The following RAD51AP2 variants were observed in gnomAD, a reference collection of about 807,000 sequenced individuals.
RAD51AP2 encodes the protein RAD51-associated protein 2.
In RAD51AP2, 67 loss-of-function variants were observed where a neutral mutation model predicts 85.5. The ratio of observed to expected loss-of-function variants is 0.78; its 90% CI spans 0.64 to 0.96. The LOEUF (loss-of-function observed/expected upper bound fraction) is 0.96, where lower values mean the gene tolerates loss of function less well. Among genes scored for constraint, RAD51AP2 ranks in the 40% least tolerant of loss-of-function variants. RAD51AP2 has a pLI of 0.00. For synonymous variants in RAD51AP2, 474 were observed against 446.5 expected (o/e 1.06, Z -0.78); for missense variants, 1,307 against 1,332.4 (o/e 0.98, Z 0.30).
chr2:17,515,282 T>C lies in RAD51AP2; in HGVS notation c.3134A>G (p.Gln1045Arg), dbSNP rs757780920. The C allele has an allele frequency of 3.1e-6, 5 of 1,613,806 alleles. No individual in the cohort carries two copies. The highest frequency in any genetic ancestry group is 1.3e-5 in the African/African-American group (1 of 75,056). Residue 1045 changes from glutamine to arginine, a missense_variant, in exon 1 of 3, where the codon CAA (glutamine) becomes CGA (arginine). Transcript: ENST00000399080. ...TACAGTTTTCCATTTAAATAAACTTTGGTGACTTTTGCCCATATTAGGACC... is the reference window on the plus strand; with the variant it reads ...TACAGTTTTCCATTTAAATAAACTTCGGTGACTTTTGCCCATATTAGGACC... ...IAGPNMGKSH[Q>R]SLFKWKTVPN...
In RAD51AP2 at chr2:17,516,540, T is replaced by A. The variant is rs1184599401; in HGVS notation, c.1876A>T (p.Thr626Ser). ...KYPKNIVENH[T>S]AYLVKILTSS... ...GTTAAAATCTTTACTAGATATGCAG[T>A]ATGATTTTCCACTATATTTTTTGGA... The change falls in exon 1 of 3, where the codon ACT (threonine) becomes TCT (serine). Residue 626 changes from threonine to serine, a missense_variant. Physicochemically the swap from Thr to Ser is moderately conservative, Grantham distance 58. Around this residue, in one of 3 missense-constraint regions of RAD51AP2, gnomAD observed 668 missense variants for 671.0 expected, o/e 1.00. Transcript: ENST00000399080. The A allele has an allele frequency of 6.4e-7, 1 of 1,562,942 alleles. No homozygotes were observed. The highest frequency in any genetic ancestry group is 8.7e-7 in the Non-Finnish European group (1 of 1,142,884).
At chr2:17,512,656 C>T (rs1215293898) in intron 2 of RAD51AP2, among the ~76,000 whole-genome samples, 1 of 152,104 alleles carries the variant, frequency 6.6e-6, no homozygotes, top group South Asian at 2.1e-4. Flanking sequence ...CCTAATCTTC[C>T]TTTATTCTAT....
chr2:17,516,080 C>T lies in RAD51AP2; in HGVS notation c.2336G>A (p.Cys779Tyr), dbSNP rs367984476. 2 of 1,613,022 alleles carry T rather than the reference C, an allele frequency of 1.2e-6. No homozygotes were observed. The highest frequency in any genetic ancestry group is 8.5e-7 in the Non-Finnish European group (1 of 1,179,612). ...GCAGAGATCTTCAAATATGTGCTCA[C>T]AGTCAAAGTTACTGATCTTATTATG... is the stretch of plus-strand genomic sequence containing the variant. ...QGHNKISNFD[C>Y]EHIFEDLCNV... The change falls in exon 1 of 3, where the codon TGT becomes TAT. Residue 779 changes from cysteine (C) to tyrosine (Y), a missense_variant. Physicochemically the swap from Cys to Tyr is radical, Grantham distance 194 (BLOSUM62 -2). Around this residue, in one of 3 missense-constraint regions of RAD51AP2, gnomAD observed 668 missense variants for 671.0 expected, o/e 1.00. Coordinates refer to ENST00000399080, the MANE Select transcript of RAD51AP2 (RefSeq NM_001099218.3).
At chr2:17,534,675 A>G in the RAD51AP2 span, among the ~76,000 whole-genome samples, 1 of 152,180 alleles carries the variant, frequency 6.6e-6, no homozygotes, top group Non-Finnish European at 1.5e-5. Context: ...GAATAGTAAA[A>G]TCATTTAAAA....
chr2:17,516,017 A>G lies in RAD51AP2; in HGVS notation c.2399T>C (p.Ile800Thr). 1 of 1,613,840 alleles carries G rather than the reference A, an allele frequency of 6.2e-7. No individual in the cohort carries two copies. Among genetic ancestry groups the G allele is most frequent in the African/African-American group, 1.3e-5 (1 of 75,030 alleles). Residue 800 changes from isoleucine (I) to threonine (T), a missense_variant, in exon 1 of 3, where the codon ATA becomes ACA. Ile to Thr is a moderately conservative substitution (Grantham distance 89). Transcript: ENST00000399080. ...GGTATGGGTCTCTTCATTATGTATT[A>G]TGTTGTGGCTTGCTGGTATGGCCTG... ...RQQAIPASHN[I>T]IHNEETHTTS... is the part of the protein sequence containing the mutation.
At position 17,516,282 on chromosome 2, in the gene RAD51AP2, T is replaced by A; in HGVS notation, c.2134A>T (p.Ser712Cys). The change falls in exon 1 of 3, where the codon AGT (serine) becomes TGT (cysteine). Residue 712 changes from serine to cysteine, a missense_variant. Coordinates refer to ENST00000399080, the MANE Select transcript of RAD51AP2 (RefSeq NM_001099218.3). ...LIREITCQNM[S>C]CPQQVVNVEN... is the part of the protein sequence containing the mutation. ...ACATTCACAACTTGTTGAGGACAAC[T>A]CATATTCTGACAAGTAATTTCTCTT... The A allele has an allele frequency of 6.2e-7, 1 of 1,610,492 alleles. No individual in the cohort carries two copies. The highest frequency in any genetic ancestry group is 1.3e-5 in the African/African-American group (1 of 74,754).
At position 17,516,233 on chromosome 2, in the gene RAD51AP2, G is replaced by T. The variant is rs753114359; in HGVS notation, c.2183C>A (p.Ser728Tyr). 1.9e-6 allele frequency: 3 copies of T among 1,612,578 alleles called. No homozygotes were observed. The South Asian group carries it at 3.3e-5, about 18-fold the overall frequency. The change falls in exon 1 of 3, where the codon TCT becomes TAT. Residue 728 changes from serine to tyrosine, a missense_variant. Ser to Tyr is a moderately radical substitution (Grantham distance 144). Coordinates refer to ENST00000399080, the MANE Select transcript of RAD51AP2 (RefSeq NM_001099218.3). ...VNVENWAHYN[S>Y]STVKAHGNSC... ...ATTACCATGTGCTTTAACAGTACTAGAATTATAGTGAGCCCAATTTTCCAC... is the reference window on the plus strand; with the variant it reads ...ATTACCATGTGCTTTAACAGTACTATAATTATAGTGAGCCCAATTTTCCAC...
At position 17,518,313 on chromosome 2, in the gene RAD51AP2, G is replaced by A. The variant is rs562055432; in HGVS notation, c.103C>T (p.Arg35Trp). 6.2e-6 allele frequency: 10 copies of A among 1,614,116 alleles called. No individual in the cohort carries two copies. The highest frequency in any genetic ancestry group is 1.1e-5 in the South Asian group (1 of 91,084). Residue 35 changes from arginine to tryptophan, a missense_variant, in exon 1 of 3, where the codon CGG becomes TGG. This residue lies in a region of RAD51AP2 where 635 missense variants were observed against 643.6 expected (regional missense o/e 0.99). Transcript: ENST00000399080. Reference protein sequence around the residue: ...DPDSQPPSSKRLCLEEPGGVF... With the variant: ...DPDSQPPSSKWLCLEEPGGVF... ...CCTCCAGGCTCCTCAAGACAGAGCC[G>A]CTTGCTACTAGGTGGTTGGGAATCC...
chr2:17,524,171 T>C, the RAD51AP2 span, among the ~76,000 whole-genome samples: 3 of 151,996 alleles, frequency 2.0e-5, no homozygotes, highest in East Asian at 5.8e-4. Context: ...TCTCCTCTCC[T>C]GTGCCTCTCA....
chr2:17,518,995 T>C (rs1436708434), upstream of RAD51AP2, among the ~76,000 whole-genome samples: 9 of 152,184 alleles, frequency 5.9e-5, no homozygotes, highest in East Asian at 1.5e-3. Flanking sequence ...ACTTCACTAA[T>C]AAAGTGTGTT....
the RAD51AP2 span, among the ~76,000 whole-genome samples, chr2:17,533,075 G>A: frequency 6.6e-6 from 1 of 152,162 alleles, no homozygotes; most frequent in African/African-American, 2.4e-5. Flanking sequence ...CTAAACTTTG[G>A]TGGTTAAGTT....
chr2:17,518,555 G>T, upstream of RAD51AP2: 1 of 982,020 alleles, frequency 1.0e-6, no homozygotes, highest in Non-Finnish European at 1.4e-6. Flanking sequence ...GCCCCACCCC[G>T]AATCCGCCCC....
At position 17,515,305 on chromosome 2, in the gene RAD51AP2, A is replaced by T; in HGVS notation, c.3111T>A (p.Gly1037=). The T allele has an allele frequency of 6.2e-7, 1 of 1,613,748 alleles. No homozygotes were observed. Among genetic ancestry groups the T allele is most frequent in the Non-Finnish European group, 8.5e-7 (1 of 1,179,850 alleles). ...TTTGGTGACTTTTGCCCATATTAGG[A>T]CCTGCTATAGTATCATGGAACGAGG... The part of the protein sequence containing the change: ...ASSSFHDTIA[G]PNMGKSHQSL... The change falls in exon 1 of 3, where the codon GGT becomes GGA. Residue 1037 remains glycine (G), a synonymous_variant. Coordinates refer to ENST00000399080, the MANE Select transcript of RAD51AP2 (RefSeq NM_001099218.3).
Position 17,515,730 on chromosome 2 carries a change from C to T in RAD51AP2, c.2686G>A (p.Val896Ile). ...EENKYVNQNY[V>I]TNTNEYESIL... ...CTCTCATATTCATTTGTATTTGTTA[C>T]ATAATTTTGATTAACATATTTATTT... is the stretch of plus-strand genomic sequence containing the variant. The change falls in exon 1 of 3, where the codon GTA becomes ATA. Residue 896 changes from valine to isoleucine, a missense_variant. Around this residue, in one of 3 missense-constraint regions of RAD51AP2, gnomAD observed 668 missense variants for 671.0 expected, o/e 1.00. Coordinates refer to ENST00000399080, the MANE Select transcript of RAD51AP2 (RefSeq NM_001099218.3). The T allele has an allele frequency of 6.3e-7, 1 of 1,597,640 alleles. No individual in the cohort carries two copies. The highest frequency in any genetic ancestry group is 8.5e-7 in the Non-Finnish European group (1 of 1,172,000).
In RAD51AP2 at chr2:17,516,112, T is replaced by C. The variant is rs1662654876; in HGVS notation, c.2304A>G (p.Lys768=). 2 of 1,612,400 alleles carry C rather than the reference T, an allele frequency of 1.2e-6. No individual in the cohort carries two copies. The highest frequency in any genetic ancestry group is 2.2e-5 in the South Asian group (2 of 90,610). The change falls in exon 1 of 3, where the codon AAA becomes AAG. Residue 768 remains lysine, a synonymous_variant. Transcript: ENST00000399080. ...AGTTACTGATCTTATTATGTCCCTGTTTTCTTTCCATATTTAAATCTTGGC... is the reference window on the plus strand; with the variant it reads ...AGTTACTGATCTTATTATGTCCCTGCTTTCTTTCCATATTTAAATCTTGGC... ...MHSQDLNMER[K]QGHNKISNFD...
rs1662744111 is a variant in RAD51AP2 at position 17,517,926 on chromosome 2, T to C, written c.490A>G (p.Ile164Val). 3.7e-6 allele frequency: 6 copies of C among 1,614,150 alleles called. No homozygotes were observed. The highest frequency in any genetic ancestry group is 5.1e-6 in the Non-Finnish European group (6 of 1,180,014). ...GVSQLLPSTS[I>V]HDIHGIRNEN... ...TTTCTAATTCCATGTATATCGTGTA[T>C]AGAGGTGCTGGGCAGAAGTTGACTA... The change falls in exon 1 of 3, where the codon ATA (isoleucine) becomes GTA (valine). Residue 164 changes from isoleucine to valine, a missense_variant. Physicochemically the swap from Ile to Val is conservative, Grantham distance 29 (BLOSUM62 3). Coordinates refer to ENST00000399080, the MANE Select transcript of RAD51AP2 (RefSeq NM_001099218.3).
rs1315543511 is a variant in RAD51AP2 at position 17,517,626 on chromosome 2, T to C, written c.790A>G (p.Met264Val). ...GAGGACATTTTGCTATTTAAGTCCA[T>C]TGGAAACTGAGGGACACTTATTGTG... ...SGTISVPQFPMDLNSKMSSVY... is the reference protein window; with the variant it reads ...SGTISVPQFPVDLNSKMSSVY... Residue 264 changes from methionine (M) to valine (V), a missense_variant, in exon 1 of 3, where the codon ATG becomes GTG. Physicochemically the swap from Met to Val is conservative, Grantham distance 21. This residue lies in a region of RAD51AP2 where 635 missense variants were observed against 643.6 expected (regional missense o/e 0.99). Coordinates refer to ENST00000399080, the MANE Select transcript of RAD51AP2 (RefSeq NM_001099218.3). 24 of 1,613,964 alleles carry C rather than the reference T, an allele frequency of 1.5e-5. No individual in the cohort carries two copies. Among genetic ancestry groups the C allele is most frequent in the Non-Finnish European group, 2.0e-5 (24 of 1,179,986 alleles).
intron 2 of RAD51AP2, 65 bp downstream of exon 2, chr2:17,513,947 T>C (rs1662570984): frequency 1.2e-6 from 1 of 854,576 alleles, no homozygotes; most frequent in East Asian, 2.5e-5. Context: ...ACTTTCCTCA[T>C]ACTAAAAATA....
chr2:17,517,192 T>A lies in RAD51AP2; in HGVS notation c.1224A>T (p.Gly408=). Residue 408 remains glycine (G), a synonymous_variant, in exon 1 of 3, where the codon GGA becomes GGT. Transcript: ENST00000399080. ...NVRHILRRNR[G]NCWIINNCKT... is the part of the protein sequence containing the mutation. ...TGCAATTATTTATAATCCAACAATT[T>A]CCTCTATTTCTTCTCAAAATATGTC... 1 of 1,611,052 alleles carries A rather than the reference T, an allele frequency of 6.2e-7. No individual in the cohort carries two copies. Among genetic ancestry groups the A allele is most frequent in the African/African-American group, 1.3e-5 (1 of 74,762 alleles).
Sources: gnomAD v4.1 joint callset for allele counts (sites outside exome capture counted in the v4.1 genomes callset) on GRCh38, gnomAD v4.1.1 for gene constraint, gnomAD v4.1.1 regional missense constraint, MANE v1.5 for transcripts, NCBI Gene and HGNC (gene_info 2026-07-23, HGNC 2026-07-21) for gene names.